CDH20: variants seen among roughly 807,000 people sequenced by gnomAD.
CDH20 encodes the protein cadherin 20, also known as cadherin-20.
In CDH20, 29 loss-of-function variants were observed where a neutral mutation model predicts 74.2. The ratio of observed to expected loss-of-function variants is 0.39; its 90% CI spans 0.29 to 0.53. The LOEUF is 0.53. CDH20 is among the 20% of genes least tolerant of loss of function. CDH20 has a pLI of 0.69. For synonymous variants in CDH20, 469 were observed against 405.4 expected (o/e 1.16, Z -1.88); for missense variants, 988 against 1,048.3 (o/e 0.94, Z 0.79).
chr18:61,498,160 G>A (rs1360778539), intron 2 of CDH20, among the ~76,000 whole-genome samples: 1 of 152,104 alleles, frequency 6.6e-6, no homozygotes, highest in African/African-American at 2.4e-5. Context: ...AGCACTTTGG[G>A]AGGCCGAGGC....
At chr18:61,361,476 C>T (rs775673187) in intron 1 of CDH20, among the ~76,000 whole-genome samples, 1 of 152,102 alleles carries the variant, frequency 6.6e-6, no homozygotes, top group Non-Finnish European at 1.5e-5. Flanking sequence ...AGTCAATCAG[C>T]CTTTTGAAAT....
Position 61,410,524 on chromosome 18 carries a change from C to T in CDH20, c.-153+76697C>T, listed in dbSNP as rs578136233. Among the ~76,000 whole-genome samples, 12 of 152,202 alleles carry T rather than the reference C, an allele frequency of 7.9e-5. No homozygotes were observed. The East Asian group carries it at 1.9e-3, about 24-fold the overall frequency. Reference sequence around the variant, plus strand: ...CCAACAATTTTGCTTGAGGAAGTAACGCCATTTTCTTCCTTCCAGATAGCA... The same window carrying T: ...CCAACAATTTTGCTTGAGGAAGTAATGCCATTTTCTTCCTTCCAGATAGCA... On this transcript the variant is annotated intron_variant, in intron 1 of 11. Coordinates refer to ENST00000262717, the MANE Select transcript of CDH20 (RefSeq NM_031891.4).
intron 6 of CDH20, among the ~76,000 whole-genome samples, chr18:61,527,731 T>C (rs1410306218): frequency 6.6e-6 from 1 of 152,210 alleles, no homozygotes; most frequent in Non-Finnish European, 1.5e-5. Flanking sequence ...CTTCCTTAAC[T>C]ATCTCTGCAG....
chr18:61,487,618 T>C (rs1910811853), intron 1 of CDH20, among the ~76,000 whole-genome samples: 1 of 152,182 alleles, frequency 6.6e-6, no homozygotes, highest in Admixed American at 6.5e-5. Context: ...GATCCCAAAG[T>C]CACCTTTGTA....
intron 1 of CDH20, among the ~76,000 whole-genome samples, chr18:61,460,717 T>C (rs894666893): frequency 6.6e-5 from 10 of 152,154 alleles, no homozygotes; most frequent in African/African-American, 2.4e-4. Context: ...ACTTTTGATA[T>C]CCCTTGACCA....
intron 9 of CDH20, 53 bp downstream of exon 9, chr18:61,539,198 A>T (rs1252634157): frequency 6.3e-6 from 10 of 1,586,280 alleles, no homozygotes; most frequent in Non-Finnish European, 8.6e-6. Context: ...TTCTGGAAAC[A>T]ATTGTTAGAT....
intron 1 of CDH20, among the ~76,000 whole-genome samples, chr18:61,453,956 C>T (rs1181457392): frequency 1.3e-5 from 2 of 152,160 alleles, no homozygotes; most frequent in African/African-American, 4.8e-5. Context: ...TCCTCCACTT[C>T]CTCACCAGCA....
At chr18:61,450,435 A>G (rs904254211) in intron 1 of CDH20, among the ~76,000 whole-genome samples, 12 of 151,954 alleles carry the variant, frequency 7.9e-5, no homozygotes, top group Non-Finnish European at 1.6e-4. Context: ...AGAACTTTCA[A>G]AGAGATACCC....
At chr18:61,495,773 A>T (rs1911117838) in intron 2 of CDH20, among the ~76,000 whole-genome samples, 1 of 152,064 alleles carries the variant, frequency 6.6e-6, no homozygotes, top group Admixed American at 6.5e-5. Context: ...TCTCTCTCTG[A>T]TGCCTCGGGG....
At chr18:61,492,849 T>C (rs1189186951) in intron 2 of CDH20, among the ~76,000 whole-genome samples, 1 of 152,194 alleles carries the variant, frequency 6.6e-6, no homozygotes, top group Non-Finnish European at 1.5e-5. Flanking sequence ...ATTGCTCCCA[T>C]TTTATCCCCA....
At chr18:61,375,864 C>A (rs1017812185) in intron 1 of CDH20, among the ~76,000 whole-genome samples, 1 of 152,042 alleles carries the variant, frequency 6.6e-6, no homozygotes, top group Non-Finnish European at 1.5e-5. Flanking sequence ...CAGGGCTTAT[C>A]TTGTGTAAAA....
intron 2 of CDH20, among the ~76,000 whole-genome samples, chr18:61,495,675 G>C (rs661125): frequency 1 from 152,183 of 152,274 alleles, 76,046 homozygotes; most frequent in Non-Finnish European, 1. Context: ...AAGGGGCTCC[G>C]CTCCAAACCT....
At chr18:61,454,799 G>A (rs1284820739) in intron 1 of CDH20, among the ~76,000 whole-genome samples, 1 of 152,200 alleles carries the variant, frequency 6.6e-6, no homozygotes, top group East Asian at 1.9e-4. Context: ...CATTCTATGT[G>A]AACAATGCCC....
chr18:61,398,529 T>A (rs1050587843), intron 1 of CDH20, among the ~76,000 whole-genome samples: 1 of 152,168 alleles, frequency 6.6e-6, no homozygotes, highest in African/African-American at 2.4e-5. Flanking sequence ...CATATTGACA[T>A]CTTATTTTCA....
At chr18:61,393,558 CA>C (rs1911863882) in intron 1 of CDH20, among the ~76,000 whole-genome samples, 1 of 152,170 alleles carries the variant, frequency 6.6e-6, no homozygotes, top group African/African-American at 2.4e-5. Flanking sequence ...AAGAAACTTA[CA>C]GTGTATTTTG....
chr18:61,427,495 C>T (rs1913110860), intron 1 of CDH20, among the ~76,000 whole-genome samples: 4 of 152,142 alleles, frequency 2.6e-5, no homozygotes, highest in Admixed American at 2.0e-4. Flanking sequence ...AGAGAACTAA[C>T]TACAAACGTG....
Position 61,550,124 on chromosome 18 carries a change from G to A in CDH20, c.1795G>A (p.Asp599Asn), listed in dbSNP as rs2144411813. Residue 599 changes from aspartate to asparagine, a missense_variant, in exon 11 of 12, where the codon GAC becomes AAC. Physicochemically the swap from Asp to Asn is conservative, Grantham distance 23 (BLOSUM62 1). Coordinates refer to ENST00000262717, the MANE Select transcript of CDH20 (RefSeq NM_031891.4). Reference protein sequence around the residue: ...TLTIQVCSCDDDGHVMSCSPE... With the variant: ...TLTIQVCSCDNDGHVMSCSPE... The stretch of plus-strand genomic sequence containing the variant: ...GACCATCCAAGTGTGCAGCTGTGAT[G>A]ACGACGGCCACGTCATGTCCTGCAG... 1 of 1,614,236 alleles carries A rather than the reference G, an allele frequency of 6.2e-7. No individual in the cohort carries two copies. Among genetic ancestry groups the A allele is most frequent in the Non-Finnish European group, 8.5e-7 (1 of 1,180,038 alleles).
intron 7 of CDH20, among the ~76,000 whole-genome samples, chr18:61,534,969 C>T (rs191999487): frequency 6.6e-6 from 1 of 152,138 alleles, no homozygotes. Flanking sequence ...ATACATATAT[C>T]TAAATACCAC....
At chr18:61,499,110 T>C in intron 2 of CDH20, 76 bp from the exon 3 acceptor site, 1 of 1,226,394 alleles carries the variant, frequency 8.2e-7, no homozygotes. Flanking sequence ...TATAAGTTTG[T>C]AACAAACTGA....
Sources: allele counts gnomAD v4.1 joint callset (sites outside exome capture counted in the v4.1 genomes callset), GRCh38; gene constraint gnomAD v4.1.1; transcripts MANE v1.5; gene names NCBI Gene and HGNC (gene_info 2026-07-23, HGNC 2026-07-21).